Variants in SCEL observed in about 807,000 individuals in gnomAD.
SCEL encodes the protein sciellin.
In SCEL, 113 loss-of-function variants were observed where a neutral mutation model predicts 117.6. That is an observed-to-expected ratio of 0.96 (90% confidence interval 0.83 to 1.12). The LOEUF is 1.12. Ranked by LOEUF, SCEL falls within the 50% of genes most tolerant of loss-of-function variation. The probability of loss-of-function intolerance (pLI) is 0.00; values close to 1 mark genes in which losing one functional copy is unlikely to be tolerated. For synonymous variants in SCEL, 270 were observed against 256.2 expected (o/e 1.05, Z -0.51); for missense variants, 785 against 810.8 (o/e 0.97, Z 0.39).
intron 30 of SCEL, among the ~76,000 whole-genome samples, chr13:77,639,571 G>A (rs1047304310): frequency 9.9e-5 from 15 of 152,040 alleles, no homozygotes; most frequent in African/African-American, 3.6e-4. Context: ...CATTGTGTTG[G>A]TACCACGCTG....
At chr13:77,592,562 CTTTT>C (rs10693960) in intron 11 of SCEL, among the ~76,000 whole-genome samples, 2 of 133,332 alleles carry the variant, frequency 1.5e-5, no homozygotes, top group Non-Finnish European at 3.2e-5. Context: ...CTTCTTCTTC[CTTTT>C]TTTTTTTTTT....
intron 1 of SCEL, among the ~76,000 whole-genome samples, chr13:77,544,118 C>T (rs1241817737): frequency 6.6e-6 from 1 of 152,160 alleles, no homozygotes; most frequent in Admixed American, 6.5e-5. Context: ...TTAAATGAGA[C>T]AACACCTATA....
Position 77,642,084 on chromosome 13 carries a change from G to A in SCEL, c.1948-622G>A, listed in dbSNP as rs966255016. ...AAATATTTTCATTTATTACATTTTA[G>A]ATCACTTATTTCTATTTTCAATGTA... On this transcript the variant is annotated intron_variant, in intron 31 of 32. Transcript: ENST00000349847. Among the ~76,000 whole-genome samples, 3 of 151,838 alleles carry A rather than the reference G, an allele frequency of 2.0e-5. No individual in the cohort carries two copies. The East Asian group carries it at 5.8e-4, about 29-fold the overall frequency.
intron 32 of SCEL, among the ~76,000 whole-genome samples, chr13:77,644,012 G>T (rs2090684264): frequency 6.6e-6 from 1 of 152,024 alleles, no homozygotes; most frequent in East Asian, 1.9e-4. Context: ...CCTAGGCATT[G>T]CATGTTTTAT....
chr13:77,580,077 A>G (rs1399680940), intron 9 of SCEL, among the ~76,000 whole-genome samples: 3 of 152,212 alleles, frequency 2.0e-5, no homozygotes, highest in South Asian at 2.1e-4. Flanking sequence ...ATATCCACTC[A>G]TAATTTGTGG....
intron 28 of SCEL, among the ~76,000 whole-genome samples, chr13:77,631,350 C>A (rs2090011443): frequency 6.6e-6 from 1 of 152,108 alleles, no homozygotes; most frequent in South Asian, 2.1e-4. Flanking sequence ...CCATGAAAAA[C>A]AAAGACTTCC....
intron 26 of SCEL, 31 bp from the exon 27 acceptor site, chr13:77,617,973 C>A: frequency 1.2e-6 from 2 of 1,607,478 alleles, no homozygotes; most frequent in East Asian, 2.2e-5. Flanking sequence ...TATTACCAAT[C>A]TGAACTTTTT....
intron 19 of SCEL, among the ~76,000 whole-genome samples, chr13:77,605,143 A>G (rs561304023): frequency 3.9e-5 from 6 of 152,328 alleles, no homozygotes; most frequent in South Asian, 2.1e-4. Context: ...GTTGCTGGAA[A>G]CAGTAACAAA....
intron 7 of SCEL, among the ~76,000 whole-genome samples, chr13:77,568,782 C>T (rs1194439422): frequency 1.3e-5 from 2 of 152,122 alleles, no homozygotes; most frequent in African/African-American, 4.8e-5. Flanking sequence ...ACACATTTTC[C>T]CTGGAATGTA....
rs536508874 is a variant in SCEL at position 77,546,280 on chromosome 13, A to G, written c.-19-9577A>G. On this transcript the variant is annotated intron_variant, in intron 1 of 32. Transcript: ENST00000349847. Reference sequence around the variant, plus strand: ...TCTCTGAGTGCCTGGTATGGGTCATATCACATGGCACTTTGAGTTACATGT... The same window carrying G: ...TCTCTGAGTGCCTGGTATGGGTCATGTCACATGGCACTTTGAGTTACATGT... Among the ~76,000 whole-genome samples the G allele has an allele frequency of 2.0e-5, 3 of 152,326 alleles. No homozygotes were observed. The South Asian group carries it at 6.2e-4, about 32-fold the overall frequency.
intron 24 of SCEL, among the ~76,000 whole-genome samples, chr13:77,614,391 A>C (rs2088879397): frequency 6.6e-6 from 1 of 152,186 alleles, no homozygotes; most frequent in Non-Finnish European, 1.5e-5. Flanking sequence ...GTTTTCTGGT[A>C]GTCAGTGGAA....
At chr13:77,616,555 GA>G (rs1398564882) in intron 24 of SCEL, among the ~76,000 whole-genome samples, 1 of 151,888 alleles carries the variant, frequency 6.6e-6, no homozygotes, top group Admixed American at 6.6e-5. Context: ...TCAAAACAGT[GA>G]AAATTCAGTT....
chr13:77,553,767 T>C (rs1243650532), intron 1 of SCEL, among the ~76,000 whole-genome samples: 1 of 151,942 alleles, frequency 6.6e-6, no homozygotes, highest in Non-Finnish European at 1.5e-5. Context: ...ACCTACTGTG[T>C]GCTGGGCAAT....
At chr13:77,638,758 C>T (rs1057197591) in intron 30 of SCEL, among the ~76,000 whole-genome samples, 4 of 152,086 alleles carry the variant, frequency 2.6e-5, no homozygotes, top group African/African-American at 7.2e-5. Flanking sequence ...TTCTCCATGG[C>T]CCTTCAGAAC....
Position 77,642,755 on chromosome 13 carries a change from T to C in SCEL, c.1997T>C (p.Ile666Thr), listed in dbSNP as rs1480093381. ...GAAAATCTACAAGCGGGTGATAGTA[T>C]TTGGATTTATAGACAGACAATACAC... The part of the protein sequence containing the change: ...PLENLQAGDS[I>T]WIYRQTIHCE... The change falls in exon 32 of 33, where the codon ATT (isoleucine) becomes ACT (threonine). Residue 666 changes from isoleucine (I) to threonine (T), a missense_variant. Physicochemically the swap from Ile to Thr is moderately conservative, Grantham distance 89. Coordinates refer to ENST00000349847, the MANE Select transcript of SCEL (RefSeq NM_144777.3). 6.2e-7 allele frequency: 1 copy of C among 1,607,680 alleles called. No homozygotes were observed. The highest frequency in any genetic ancestry group is 8.5e-7 in the Non-Finnish European group (1 of 1,176,554).
At chr13:77,605,792 G>A (rs1166713419) in intron 19 of SCEL, among the ~76,000 whole-genome samples, 1 of 152,090 alleles carries the variant, frequency 6.6e-6, no homozygotes, top group Non-Finnish European at 1.5e-5. Flanking sequence ...GGATCACGAG[G>A]TCAGGGGATC....
chr13:77,607,620 C>T (rs1164041577), intron 19 of SCEL, among the ~76,000 whole-genome samples: 1 of 152,110 alleles, frequency 6.6e-6, no homozygotes, highest in African/African-American at 2.4e-5. Context: ...GCCAATTTTA[C>T]AAAATATGGA....
rs755947730 is a variant in SCEL at position 77,644,310 on chromosome 13, T to G, written c.*36T>G. 6.2e-7 allele frequency: 1 copy of G among 1,604,696 alleles called. No homozygotes were observed. On this transcript the variant is annotated 3_prime_UTR_variant, in exon 33 of 33. Transcript: ENST00000349847. ...AGGAAATCAAGATGAAAAGCACTCA[T>G]TAAGGAATTAAAGTTACAAGTTTTA... is the stretch of plus-strand genomic sequence containing the variant.
chr13:77,615,026 G>C (rs1594128108), intron 24 of SCEL, among the ~76,000 whole-genome samples: 2 of 152,188 alleles, frequency 1.3e-5, no homozygotes, highest in African/African-American at 4.8e-5. Flanking sequence ...GACAATAATA[G>C]GTTGTCAGTT....
Sources: allele counts gnomAD v4.1 joint callset (sites outside exome capture counted in the v4.1 genomes callset), GRCh38; gene constraint gnomAD v4.1.1; transcripts MANE v1.5; gene names NCBI Gene and HGNC (gene_info 2026-07-23, HGNC 2026-07-21).